Variants in ITGBL1 observed in about 807,000 individuals in gnomAD.
The protein encoded by ITGBL1 is integrin subunit beta like 1.
In ITGBL1, 51 loss-of-function variants were observed where a neutral mutation model predicts 68.5. The ratio of observed to expected loss-of-function variants is 0.74; its 90% CI spans 0.59 to 0.94. ITGBL1 has a LOEUF of 0.94. Ranked by LOEUF, ITGBL1 falls within the 40% of genes least tolerant of loss-of-function variation. The probability of loss-of-function intolerance (pLI) is 0.00; values close to 1 mark genes in which losing one functional copy is unlikely to be tolerated. For synonymous variants in ITGBL1, 209 were observed against 227.3 expected (o/e 0.92, Z 0.72); for missense variants, 649 against 647.4 (o/e 1.00, Z -0.03).
At chr13:101,633,480 T>C (rs1039890111) in intron 7 of ITGBL1, among the ~76,000 whole-genome samples, 8 of 152,180 alleles carry the variant, frequency 5.3e-5, no homozygotes, top group African/African-American at 1.9e-4. Context: ...CTTCCATCCA[T>C]GCATGTTGCC....
intron 7 of ITGBL1, among the ~76,000 whole-genome samples, chr13:101,619,495 C>T (rs1395174642): frequency 6.6e-6 from 1 of 152,066 alleles, no homozygotes; most frequent in African/African-American, 2.4e-5. Context: ...TTGAAAAGGC[C>T]AGGAAAGAGA....
At chr13:101,640,131 C>A (rs926548040) in intron 7 of ITGBL1, among the ~76,000 whole-genome samples, 1 of 152,028 alleles carries the variant, frequency 6.6e-6, no homozygotes, top group South Asian at 2.1e-4. Flanking sequence ...TTCAGAAAGA[C>A]AAGAAGTCCA....
At chr13:101,519,980 T>A (rs1023826838) in intron 2 of ITGBL1, among the ~76,000 whole-genome samples, 1 of 152,196 alleles carries the variant, frequency 6.6e-6, no homozygotes, top group African/African-American at 2.4e-5. Flanking sequence ...ATATAGTGAT[T>A]TATTAGTATG....
At chr13:101,467,159 C>A (rs1159854690) in intron 2 of ITGBL1, among the ~76,000 whole-genome samples, 1 of 152,124 alleles carries the variant, frequency 6.6e-6, no homozygotes, top group Non-Finnish European at 1.5e-5. Flanking sequence ...GCCCACCCAC[C>A]TTCTTAATAC....
At chr13:101,694,349 G>C (rs1214163433) in intron 8 of ITGBL1, among the ~76,000 whole-genome samples, 4 of 152,174 alleles carry the variant, frequency 2.6e-5, no homozygotes, top group South Asian at 4.2e-4. Context: ...TGTATAAAAA[G>C]CTTGCCTGGC....
At chr13:101,720,739 CT>C (rs1288990846), downstream of ITGBL1, 1 of 148,414 alleles carries the variant, frequency 6.7e-6, no homozygotes, top group African/African-American at 2.6e-5. Context: ...TTAACTGTTC[CT>C]GTTAAAAACA....
intron 6 of ITGBL1, among the ~76,000 whole-genome samples, chr13:101,589,760 A>T (rs9518455): frequency 0.094 from 14,386 of 152,240 alleles, 801 homozygotes; most frequent in East Asian, 0.16. Context: ...ATGCCAAAGT[A>T]AGGACACATA....
intron 6 of ITGBL1, among the ~76,000 whole-genome samples, chr13:101,592,756 T>G (rs968382154): frequency 5.3e-5 from 8 of 152,076 alleles, no homozygotes; most frequent in Admixed American, 5.2e-4. Context: ...TCACTACTTC[T>G]CATGATATAC....
chr13:101,556,368 G>A (rs1256273985), intron 2 of ITGBL1, among the ~76,000 whole-genome samples: 1 of 152,212 alleles, frequency 6.6e-6, no homozygotes, highest in Non-Finnish European at 1.5e-5. Flanking sequence ...TGGGCACGGT[G>A]GCTCATGCCT....
At chr13:101,575,628 T>A in intron 4 of ITGBL1, 82 bp downstream of exon 4, 1 of 1,390,514 alleles carries the variant, frequency 7.2e-7, no homozygotes, top group Non-Finnish European at 1.0e-6. Flanking sequence ...TCTACATAAG[T>A]TTCTGCTCTA....
intron 8 of ITGBL1, 129 bp from the exon 9 acceptor site, chr13:101,706,627 C>T: frequency 1.2e-6 from 1 of 851,896 alleles, no homozygotes; most frequent in Non-Finnish European, 1.7e-6. Flanking sequence ...GCCAAATTGA[C>T]TATGCATAAA....
At chr13:101,604,887 T>TATATATATATACACATACATACAC in intron 7 of ITGBL1, among the ~76,000 whole-genome samples, 1 of 22,164 alleles carries the variant, frequency 4.5e-5, no homozygotes, top group African/African-American at 1.5e-4. Flanking sequence ...TATATATATA[T>TATATATATATACACATACATACAC]ACACACACAC....
intron 2 of ITGBL1, among the ~76,000 whole-genome samples, chr13:101,549,785 T>C (rs935623238): frequency 2.6e-5 from 4 of 152,148 alleles, no homozygotes; most frequent in African/African-American, 9.6e-5. Context: ...TTTTTTGTTA[T>C]GTGTTGGTAA....
chr13:101,674,367 G>T (rs986289590), intron 7 of ITGBL1, among the ~76,000 whole-genome samples: 4 of 152,058 alleles, frequency 2.6e-5, no homozygotes, highest in African/African-American at 9.7e-5. Context: ...TACTTCCATA[G>T]TTTACTATGA....
At chr13:101,619,604 A>G (rs989014739) in intron 7 of ITGBL1, among the ~76,000 whole-genome samples, 7 of 152,102 alleles carry the variant, frequency 4.6e-5, no homozygotes, top group African/African-American at 1.7e-4. Flanking sequence ...TAAGACAATA[A>G]ATGTGTATTG....
intron 2 of ITGBL1, among the ~76,000 whole-genome samples, chr13:101,498,069 G>A (rs2139077231): frequency 6.6e-6 from 1 of 151,934 alleles, no homozygotes; most frequent in South Asian, 2.1e-4. Flanking sequence ...TTATGATTTG[G>A]TACTCCTGGT....
In ITGBL1 at chr13:101,452,914, C is replaced by A. The variant is rs773299175; in HGVS notation, c.81C>A (p.Ser27Arg). 1 of 1,614,030 alleles carries A rather than the reference C, an allele frequency of 6.2e-7. No individual in the cohort carries two copies. The highest frequency in any genetic ancestry group is 8.5e-7 in the Non-Finnish European group (1 of 1,179,974). The change falls in exon 1 of 11, where the codon AGC becomes AGA. Residue 27 changes from serine to arginine, a missense_variant. By Grantham distance (110) the Ser-to-Arg change is moderately radical (BLOSUM62 -1). Coordinates refer to ENST00000376180, the MANE Select transcript of ITGBL1 (RefSeq NM_004791.3). Reference protein sequence around the residue: ...LFAGLSAVPQSFSPSLRSWPG... With the variant: ...LFAGLSAVPQRFSPSLRSWPG... Reference sequence around the variant, plus strand: ...CTGGGTTGTCAGCTGTTCCTCAAAGCTTCTCGCCATCTCTGAGGTAAGTTT... The same window carrying A: ...CTGGGTTGTCAGCTGTTCCTCAAAGATTCTCGCCATCTCTGAGGTAAGTTT...
At chr13:101,473,368 T>C (rs1594830951) in intron 2 of ITGBL1, among the ~76,000 whole-genome samples, 1 of 152,142 alleles carries the variant, frequency 6.6e-6, no homozygotes, top group East Asian at 1.9e-4. Context: ...ACAGTGATTG[T>C]GGAACTTTGG....
At chr13:101,546,263 G>A (rs1033305852) in intron 2 of ITGBL1, among the ~76,000 whole-genome samples, 1 of 152,060 alleles carries the variant, frequency 6.6e-6, no homozygotes, top group Non-Finnish European at 1.5e-5. Flanking sequence ...GGCTACAAGG[G>A]ATACTCATGA....
Sources: allele counts gnomAD v4.1 joint callset (sites outside exome capture counted in the v4.1 genomes callset), GRCh38; gene constraint gnomAD v4.1.1; transcripts MANE v1.5; gene names NCBI Gene and HGNC (gene_info 2026-07-23, HGNC 2026-07-21).